Variants in PPARGC1A observed in about 807,000 individuals in gnomAD.
PPARGC1A encodes peroxisome proliferator-activated receptor gamma coactivator 1-alpha.
Under a neutral mutation model 88.7 loss-of-function variants are expected in PPARGC1A, and 25 were observed. That is an observed-to-expected ratio of 0.28 (90% CI 0.21 to 0.39). The LOEUF (loss-of-function observed/expected upper bound fraction) is 0.39, where lower values mean the gene tolerates loss of function less well. Ranked by LOEUF, PPARGC1A falls within the 10% of genes least tolerant of loss-of-function variation. The pLI is 1.00. For synonymous variants in PPARGC1A, 363 were observed against 355.6 expected (o/e 1.02, Z -0.24); for missense variants, 880 against 968.7 (o/e 0.91, Z 1.22).
At chr4:24,290,766 A>T in the PPARGC1A span, among the ~76,000 whole-genome samples, 3 of 152,054 alleles carry the variant, frequency 2.0e-5, no homozygotes, top group Non-Finnish European at 4.4e-5. Context: ...TCAGTTAGTG[A>T]CTCAGTGCTG....
the PPARGC1A span, among the ~76,000 whole-genome samples, chr4:24,330,329 A>C: frequency 6.6e-6 from 1 of 152,154 alleles, no homozygotes; most frequent in Non-Finnish European, 1.5e-5. Context: ...CTTACAACTA[A>C]TGACTAACAC....
the PPARGC1A span, among the ~76,000 whole-genome samples, chr4:24,207,763 T>G: frequency 3.3e-5 from 5 of 152,338 alleles, no homozygotes; most frequent in East Asian, 1.9e-4. Flanking sequence ...ACAAAAGTGT[T>G]CTAATTTTTC....
At chr4:24,310,947 T>G in the PPARGC1A span, among the ~76,000 whole-genome samples, 1 of 152,020 alleles carries the variant, frequency 6.6e-6, no homozygotes, top group Non-Finnish European at 1.5e-5. Context: ...GGTAAAAGAA[T>G]GCATGCTTGT....
At chr4:24,096,740 G>A in the PPARGC1A span, among the ~76,000 whole-genome samples, 1 of 151,996 alleles carries the variant, frequency 6.6e-6, no homozygotes, top group Non-Finnish European at 1.5e-5. Flanking sequence ...AAAAAGTAAT[G>A]GAAAACCTTT....
upstream of PPARGC1A, among the ~76,000 whole-genome samples, chr4:23,892,441 A>AT (rs5856798): frequency 0.51 from 76,175 of 150,200 alleles, 19,914 homozygotes; most frequent in Admixed American, 0.65. Flanking sequence ...TTTCCACGAT[A>AT]TTTTTTTTTT....
the PPARGC1A span, among the ~76,000 whole-genome samples, chr4:24,229,771 G>T: frequency 6.6e-6 from 1 of 151,716 alleles, no homozygotes; most frequent in African/African-American, 2.4e-5. Context: ...CTTGAACCCG[G>T]GAGGCAGAGA....
chr4:24,207,036 G>C, the PPARGC1A span, among the ~76,000 whole-genome samples: 2 of 151,848 alleles, frequency 1.3e-5, no homozygotes, highest in African/African-American at 4.8e-5. Context: ...TCCTTCCCTA[G>C]ATGCAATAGG....
At chr4:23,832,076 G>A (rs778397464) in intron 2 of PPARGC1A, among the ~76,000 whole-genome samples, 10 of 152,050 alleles carry the variant, frequency 6.6e-5, no homozygotes, top group Non-Finnish European at 1.0e-4. Flanking sequence ...CTTTCCCTGA[G>A]TAAAAGAAAA....
chr4:23,801,616 T>C, intron 12 of PPARGC1A, 114 bp downstream of exon 12: 1 of 1,157,386 alleles, frequency 8.6e-7, no homozygotes, highest in Non-Finnish European at 1.2e-6. Flanking sequence ...ATTCAAACAT[T>C]CCCTTTAGTA....
At chr4:24,301,654 T>A in the PPARGC1A span, among the ~76,000 whole-genome samples, 1 of 151,776 alleles carries the variant, frequency 6.6e-6, no homozygotes, top group African/African-American at 2.4e-5. Flanking sequence ...ATTTTTTTAA[T>A]GTTTGAAACT....
the PPARGC1A span, among the ~76,000 whole-genome samples, chr4:24,029,776 C>T: frequency 6.6e-6 from 1 of 151,778 alleles, no homozygotes; most frequent in Non-Finnish European, 1.5e-5. Context: ...ATCGGTAAAA[C>T]CACAGGAAAA....
the PPARGC1A span, among the ~76,000 whole-genome samples, chr4:24,312,548 G>C: frequency 7.0e-6 from 1 of 142,352 alleles, no homozygotes; most frequent in Non-Finnish European, 1.5e-5. Flanking sequence ...ATCAGCTTTC[G>C]TGTTTTGCTT....
upstream of PPARGC1A, among the ~76,000 whole-genome samples, chr4:23,902,772 C>T (rs1719561932): frequency 6.6e-6 from 1 of 152,204 alleles, no homozygotes; most frequent in South Asian, 2.1e-4. Flanking sequence ...GCACCCGCCT[C>T]TCTCTTCCAA....
intron 12 of PPARGC1A, among the ~76,000 whole-genome samples, chr4:23,799,789 T>C (rs1387604508): frequency 6.6e-6 from 1 of 152,104 alleles, no homozygotes; most frequent in African/African-American, 2.4e-5. Flanking sequence ...TCTCTACCAG[T>C]GATGAATCGT....
the PPARGC1A span, among the ~76,000 whole-genome samples, chr4:24,078,224 G>C: frequency 2.6e-5 from 4 of 151,984 alleles, no homozygotes; most frequent in African/African-American, 9.7e-5. Context: ...AGGAGCATGG[G>C]CAGGGGTTAC....
At chr4:23,855,795 GGGT>G (rs1412956698) in intron 2 of PPARGC1A, among the ~76,000 whole-genome samples, 1 of 152,120 alleles carries the variant, frequency 6.6e-6, no homozygotes, top group Non-Finnish European at 1.5e-5. Context: ...AGCTGTGGTA[GGGT>G]GCCAGGTGTT....
At chr4:23,913,242 TTATATATA>T in the PPARGC1A span, among the ~76,000 whole-genome samples, 219 of 94,602 alleles carry the variant, frequency 2.3e-3, 3 homozygotes, top group South Asian at 6.1e-3. Context: ...ATTATATATT[TTATATATA>T]TATATATATA....
At chr4:24,236,495 C>A in the PPARGC1A span, among the ~76,000 whole-genome samples, 1 of 152,178 alleles carries the variant, frequency 6.6e-6, no homozygotes. Flanking sequence ...AGGTCTTCGC[C>A]AGTACCAAGA....
At chr4:23,910,378 A>C in the PPARGC1A span, among the ~76,000 whole-genome samples, 1 of 105,484 alleles carries the variant, frequency 9.5e-6, no homozygotes, top group African/African-American at 3.9e-5. Context: ...ATATTATATT[A>C]TATATATTAT....
Sources: gnomAD v4.1 joint callset for allele counts (sites outside exome capture counted in the v4.1 genomes callset) on GRCh38, gnomAD v4.1.1 for gene constraint, MANE v1.5 for transcripts, NCBI Gene and HGNC (gene_info 2026-07-23, HGNC 2026-07-21) for gene names.